The following ARHGEF9 variants were observed in gnomAD, a reference collection of about 807,000 sequenced individuals.
ARHGEF9 encodes the protein rho guanine nucleotide exchange factor 9.
In ARHGEF9, 2 loss-of-function variants were observed where a neutral mutation model predicts 41.3. That is an observed-to-expected ratio of 0.05 (90% CI 0.02 to 0.15). The LOEUF (loss-of-function observed/expected upper bound fraction) is 0.15. Among genes scored for constraint, ARHGEF9 ranks in the 10% least tolerant of loss-of-function variants. The pLI is 1.00. For synonymous variants in ARHGEF9, 160 were observed against 154.4 expected (o/e 1.04, Z -0.27); for missense variants, 225 against 424.7 (o/e 0.53, Z 4.13).
rs140342369 is a variant in ARHGEF9 at position 63,694,695 on chromosome X, T to G, written c.582+2430A>C. ...ATCAATGTTTGCCAGTAGCCAGGAG[T>G]AGGGGCACAGATTGTTTGCAATGTC... On this transcript the variant is annotated intron_variant, in intron 4 of 9. Transcript: ENST00000671741. Among the ~76,000 whole-genome samples, 33 of 111,503 alleles carry G rather than the reference T, an allele frequency of 3.0e-4. No homozygotes were observed. In the East Asian group the frequency reaches 8.7e-3, roughly 30 times the overall value.
At chrX:63,756,758 C>T (rs868906485) in intron 1 of ARHGEF9, among the ~76,000 whole-genome samples, 5 of 112,016 alleles carry the variant, frequency 4.5e-5, no homozygotes, top group Non-Finnish European at 7.5e-5. Flanking sequence ...GAGACAGATA[C>T]TGGTGATCAG....
intron 1 of ARHGEF9, among the ~76,000 whole-genome samples, chrX:63,727,881 A>G (rs781861017): frequency 1.1e-4 from 12 of 112,395 alleles, no homozygotes; most frequent in Admixed American, 3.8e-4. Context: ...CACACAGCCA[A>G]TAACTACTGA....
intron 2 of ARHGEF9, chrX:63,707,482 A>C (rs1196609780): frequency 1.8e-5 from 2 of 108,646 alleles, no homozygotes; most frequent in Non-Finnish European, 3.8e-5. Context: ...GCCACCCCCC[A>C]CAGTCCTAGG....
At chrX:63,695,543 C>A (rs1431430288) in intron 4 of ARHGEF9, among the ~76,000 whole-genome samples, 1 of 112,001 alleles carries the variant, frequency 8.9e-6, no homozygotes, top group East Asian at 2.8e-4. Context: ...ACATCCTTAA[C>A]ATTTATAAAT....
chrX:63,724,831 G>T, intron 1 of ARHGEF9, 120 bp from the exon 2 acceptor site: 1 of 706,530 alleles, frequency 1.4e-6, no homozygotes, highest in Non-Finnish European at 2.2e-6. Flanking sequence ...GAGAGATAGG[G>T]GTGAGGGGGA....
intron 1 of ARHGEF9, among the ~76,000 whole-genome samples, chrX:63,738,564 G>A (rs782289427): frequency 4.5e-4 from 50 of 110,260 alleles, no homozygotes; most frequent in Non-Finnish European, 7.6e-4. Context: ...CTGAAGCACC[G>A]CATTCCCCCC....
At chrX:63,776,896 A>T (rs1292324722) in intron 1 of ARHGEF9, among the ~76,000 whole-genome samples, 3 of 111,342 alleles carry the variant, frequency 2.7e-5, no homozygotes, top group African/African-American at 9.8e-5. Context: ...TGAGCTCAAT[A>T]TCTGATCACC....
intron 2 of ARHGEF9, among the ~76,000 whole-genome samples, chrX:63,721,442 C>A (rs782210752): frequency 9.9e-5 from 11 of 111,071 alleles, no homozygotes; most frequent in Non-Finnish European, 2.1e-4. Context: ...CTGACCAAAC[C>A]CATGCCTTGT....
At chrX:63,666,447 T>TAC (rs1289465150) in intron 6 of ARHGEF9, among the ~76,000 whole-genome samples, 4 of 22,784 alleles carry the variant, frequency 1.8e-4, no homozygotes, top group South Asian at 4.6e-3. Context: ...CACATATATA[T>TAC]ATACATACAC....
At chrX:63,713,669 T>G (rs1276805631) in intron 2 of ARHGEF9, among the ~76,000 whole-genome samples, 8 of 105,673 alleles carry the variant, frequency 7.6e-5, no homozygotes, top group Non-Finnish European at 1.3e-4. Context: ...GAGAGGAACC[T>G]GGTTAGTTGC....
At chrX:63,670,438 C>A (rs1336028421) in intron 6 of ARHGEF9, 1 of 110,199 alleles carries the variant, frequency 9.1e-6, no homozygotes. Context: ...CACAACCAGG[C>A]TGGGAGGAGA....
At chrX:63,648,315 A>G (rs1162242425) in intron 8 of ARHGEF9, among the ~76,000 whole-genome samples, 2 of 111,325 alleles carry the variant, frequency 1.8e-5, no homozygotes, top group African/African-American at 6.5e-5. Context: ...TAAAGAAAAT[A>G]ATTTTCAACC....
intron 2 of ARHGEF9, among the ~76,000 whole-genome samples, chrX:63,717,947 G>A (rs111810219): frequency 0.023 from 2,576 of 111,835 alleles, 33 homozygotes; most frequent in Non-Finnish European, 0.033. Flanking sequence ...ATGAGTAGAA[G>A]CTCCAGAAAG....
At position 63,638,157 on chromosome X, in the gene ARHGEF9, C is replaced by T. The variant is rs782097997; in HGVS notation, c.1443G>A (p.Pro481=). The change falls in exon 10 of 10, where the codon CCG becomes CCA. Residue 481 remains proline, a synonymous_variant. Coordinates refer to ENST00000671741, the MANE Select transcript of ARHGEF9 (RefSeq NM_001353921.2). ...VPPSYPPPQD[P]LNHGQYLVPD... ...GGACCAGGTACTGGCCGTGGTTTAACGGGTCCTGCGGTGGTGGGTAGGAAG... is the reference window on the plus strand; with the variant it reads ...GGACCAGGTACTGGCCGTGGTTTAATGGGTCCTGCGGTGGTGGGTAGGAAG... 2.1e-5 allele frequency: 25 copies of T among 1,196,897 alleles called. No individual in the cohort carries two copies. The highest frequency in any genetic ancestry group is 6.8e-5 in the Admixed American group (3 of 43,943).
At chrX:63,754,252 G>A in intron 1 of ARHGEF9, 1 of 1,161,602 alleles carries the variant, frequency 8.6e-7, no homozygotes, top group Non-Finnish European at 1.2e-6. Context: ...TATACGCGCA[G>A]GCATTCTTAA....
chrX:63,750,957 T>C (rs1336287024), intron 1 of ARHGEF9, among the ~76,000 whole-genome samples: 1 of 111,350 alleles, frequency 9.0e-6, no homozygotes, highest in Non-Finnish European at 1.9e-5. Flanking sequence ...GTCCCCTTTT[T>C]CTAGAGTTAT....
chrX:63,772,186 G>A (rs781882198), intron 1 of ARHGEF9, among the ~76,000 whole-genome samples: 1 of 112,168 alleles, frequency 8.9e-6, no homozygotes, highest in South Asian at 3.8e-4. Flanking sequence ...CAGAAACCTA[G>A]GGGTCATCTT....
At chrX:63,775,171 A>C (rs2056271967) in intron 1 of ARHGEF9, among the ~76,000 whole-genome samples, 1 of 112,527 alleles carries the variant, frequency 8.9e-6, no homozygotes. Context: ...GAAGTCAAAA[A>C]ATAACAAATG....
intron 1 of ARHGEF9, among the ~76,000 whole-genome samples, chrX:63,747,975 T>C (rs782192862): frequency 8.9e-6 from 1 of 112,478 alleles, no homozygotes; most frequent in East Asian, 2.8e-4. Flanking sequence ...CAACCAGATT[T>C]ACCATGAGTA....
Sources: allele counts gnomAD v4.1 joint callset (sites outside exome capture counted in the v4.1 genomes callset), GRCh38; gene constraint gnomAD v4.1.1; transcripts MANE v1.5; gene names NCBI Gene and HGNC (gene_info 2026-07-23, HGNC 2026-07-21).